Variants in TRPM6 observed in about 807,000 individuals in gnomAD.
The protein encoded by TRPM6 is transient receptor potential cation channel subfamily M member 6.
TRPM6 carries 111 observed loss-of-function variants against 247.6 expected under a neutral mutation model. The ratio of observed to expected loss-of-function variants is 0.45; its 90% CI spans 0.38 to 0.52. The LOEUF is 0.52. Ranked by LOEUF, TRPM6 falls within the 20% of genes least tolerant of loss-of-function variation. TRPM6 has a pLI of 0.00. For missense variants in TRPM6, 2,126 were observed against 2,421.5 expected (o/e 0.88, Z 2.56); for synonymous variants, 892 against 853.8 (o/e 1.04, Z -0.78).
chr9:74,840,308 A>T, intron 4 of TRPM6, 71 bp from the exon 5 acceptor site: 1 of 1,141,758 alleles, frequency 8.8e-7, no homozygotes, highest in Non-Finnish European at 1.3e-6. Context: ...AACAATGAGC[A>T]CACAGCAGGG....
intron 5 of TRPM6, among the ~76,000 whole-genome samples, chr9:74,836,995 A>C (rs1377958993): frequency 6.6e-6 from 1 of 152,222 alleles, no homozygotes; most frequent in African/African-American, 2.4e-5. Flanking sequence ...AATCTCAACT[A>C]TAACCCAGTC....
At position 74,800,905 on chromosome 9, in the gene TRPM6, T is replaced by TTG. The variant is rs1554708835; in HGVS notation, c.2010-424_2010-423insCA. On this transcript the variant is annotated intron_variant, in intron 16 of 38. Coordinates refer to ENST00000360774, the MANE Select transcript of TRPM6 (RefSeq NM_017662.5). ...CCCTGATAAGACCTAATAAAGTGTG[T>TTG]TTTTTTTTTTTTTTTTGACAAAAAA... Among the ~76,000 whole-genome samples the TTG allele has an allele frequency of 9.4e-3, 990 of 105,650 alleles. 24 individuals carry two copies. The highest frequency in any genetic ancestry group is 0.029 in the African/African-American group (953 of 32,880). The allele number at this position is 105,650 out of a possible 152,430, so 69.3% of individuals were successfully genotyped here. A position where few individuals can be genotyped will look rare whatever the true frequency, so the allele number is the denominator to read the frequency against.
At chr9:74,809,976 CAAAAAAAAAAAAAAA>C (rs57812269) in intron 13 of TRPM6, among the ~76,000 whole-genome samples, 1 of 33,566 alleles carries the variant, frequency 3.0e-5, no homozygotes, top group South Asian at 1.6e-3. Context: ...AACTCCATCT[CAAAAAAAAAAAAAAA>C]AAAAAAAAAA....
intron 1 of TRPM6, among the ~76,000 whole-genome samples, chr9:74,884,486 C>A (rs944471349): frequency 1.4e-5 from 2 of 145,396 alleles, no homozygotes; most frequent in African/African-American, 5.1e-5. Flanking sequence ...GAGACTCTGT[C>A]TCAAAAATAA....
intron 30 of TRPM6, 77 bp from the exon 31 acceptor site, chr9:74,747,991 A>G: frequency 7.8e-7 from 1 of 1,274,750 alleles, no homozygotes; most frequent in African/African-American, 1.5e-5. Flanking sequence ...GAAACAGCAC[A>G]TGGAACAGTA....
chr9:74,828,765 T>A (rs7866051), intron 6 of TRPM6, among the ~76,000 whole-genome samples: 90,933 of 151,150 alleles, frequency 0.6, 27,667 homozygotes, highest in East Asian at 0.8. Context: ...AGTAGCTGGG[T>A]CTACAGGCAC....
chr9:74,746,908 G>A (rs968576054), intron 31 of TRPM6, among the ~76,000 whole-genome samples: 1 of 152,090 alleles, frequency 6.6e-6, no homozygotes, highest in Admixed American at 6.5e-5. Context: ...GAAGGAGATT[G>A]TAAATGACTT....
chr9:74,735,945 G>A (rs1457554143), intron 36 of TRPM6, among the ~76,000 whole-genome samples: 1 of 152,138 alleles, frequency 6.6e-6, no homozygotes, highest in Non-Finnish European at 1.5e-5. Flanking sequence ...TTCTCTCAAA[G>A]CGGTAGGGAA....
intron 1 of TRPM6, chr9:74,887,287 G>A: frequency 1.5e-6 from 2 of 1,355,044 alleles, no homozygotes; most frequent in Non-Finnish European, 1.9e-6. Context: ...TGGGCGCACG[G>A]GGACGCGCAG....
intron 13 of TRPM6, among the ~76,000 whole-genome samples, chr9:74,808,498 TTAAA>T (rs1828614683): frequency 6.6e-6 from 1 of 152,314 alleles, no homozygotes; most frequent in South Asian, 2.1e-4. Flanking sequence ...TAAAATACAT[TTAAA>T]TATTTTTTAT....
chr9:74,770,339 A>G (rs796997585), intron 25 of TRPM6, among the ~76,000 whole-genome samples: 40 of 152,324 alleles, frequency 2.6e-4, no homozygotes, highest in African/African-American at 9.6e-4. Flanking sequence ...TATATGTTCA[A>G]AAATAGAGGA....
At chr9:74,787,898 G>T (rs1309281210) in intron 20 of TRPM6, among the ~76,000 whole-genome samples, 1 of 152,050 alleles carries the variant, frequency 6.6e-6, no homozygotes. Context: ...TGTATTTTTA[G>T]TAGAGACGGG....
At chr9:74,887,361 T>C in intron 1 of TRPM6, 3 of 1,393,028 alleles carry the variant, frequency 2.2e-6, no homozygotes, top group East Asian at 5.2e-5. Context: ...GACCCCCGGC[T>C]AGTCAGCGTC....
intron 25 of TRPM6, among the ~76,000 whole-genome samples, chr9:74,764,917 C>T (rs1826778051): frequency 6.6e-6 from 1 of 151,758 alleles, no homozygotes. Context: ...GTAAGGAAAC[C>T]CAGTAAAATA....
At chr9:74,728,643 A>C (rs1373386929) in intron 37 of TRPM6, among the ~76,000 whole-genome samples, 1 of 152,236 alleles carries the variant, frequency 6.6e-6, no homozygotes, top group Admixed American at 6.5e-5. Flanking sequence ...AATACAGCGA[A>C]ATCCTTTTTA....
chr9:74,834,609 GC>G (rs1348455920), intron 5 of TRPM6, among the ~76,000 whole-genome samples: 1 of 77,100 alleles, frequency 1.3e-5, no homozygotes, highest in East Asian at 3.2e-4. Context: ...CCCTCCCCCA[GC>G]CCCCCACCCC....
intron 2 of TRPM6, among the ~76,000 whole-genome samples, chr9:74,856,918 G>A (rs774427572): frequency 8.6e-5 from 13 of 152,026 alleles, no homozygotes; most frequent in Non-Finnish European, 1.6e-4. Flanking sequence ...TATAGAGACA[G>A]TTTTTTCACT....
intron 1 of TRPM6, among the ~76,000 whole-genome samples, chr9:74,866,930 T>A (rs1241512754): frequency 1.3e-5 from 2 of 152,232 alleles, no homozygotes; most frequent in Non-Finnish European, 2.9e-5. Context: ...AAATTAAAAC[T>A]GAGACATTTA....
chr9:74,748,428 C>T (rs903170867), intron 30 of TRPM6, among the ~76,000 whole-genome samples: 1 of 152,020 alleles, frequency 6.6e-6, no homozygotes, highest in Non-Finnish European at 1.5e-5. Context: ...AGGAGGTATC[C>T]AGAAGAAGGC....
Sources: gnomAD v4.1 joint callset for allele counts (sites outside exome capture counted in the v4.1 genomes callset) on GRCh38, gnomAD v4.1.1 for gene constraint, MANE v1.5 for transcripts, NCBI Gene and HGNC (gene_info 2026-07-23, HGNC 2026-07-21) for gene names.